Variants in FARP2 observed in about 807,000 individuals in gnomAD.
FARP2 encodes FERM, ARH/RhoGEF and pleckstrin domain protein 2.
FARP2 carries 111 observed loss-of-function variants against 130.5 expected under a neutral mutation model. The observed-to-expected ratio is 0.85, with a 90% confidence interval of 0.73 to 1.00. The LOEUF (loss-of-function observed/expected upper bound fraction) is 1.00. Among genes scored for constraint, FARP2 ranks in the 50% least tolerant of loss-of-function variants. The probability of loss-of-function intolerance (pLI) is 0.00; values close to 1 mark genes in which losing one functional copy is unlikely to be tolerated. For missense variants in FARP2, 1,385 were observed against 1,346.3 expected (o/e 1.03, Z -0.45); for synonymous variants, 504 against 516.9 (o/e 0.98, Z 0.34).
Position 241,491,537 on chromosome 2 carries a change from T to C in FARP2, c.2645T>C (p.Leu882Pro). ...RPPRSPNEVS[L>P]EQESEDDARG... ...CCAGGATCCCCCAACGAGGTATCTC[T>C]GGAGCAGGAGTCAGAAGATGATGCT... Residue 882 changes from leucine (L) to proline (P), a missense_variant, in exon 24 of 27, where the codon CTG becomes CCG. Physicochemically the swap from Leu to Pro is moderately conservative, Grantham distance 98. Transcript: ENST00000264042. 2 of 1,613,560 alleles carry C rather than the reference T, an allele frequency of 1.2e-6. No homozygotes were observed. The highest frequency in any genetic ancestry group is 4.5e-5 in the East Asian group (2 of 44,868).
At chr2:241,478,557 A>G (rs2064534103) in intron 19 of FARP2, 1 of 461,870 alleles carries the variant, frequency 2.2e-6, no homozygotes, top group Non-Finnish European at 4.4e-6. Flanking sequence ...ACTGTTGCCT[A>G]TTTAATGGAC....
chr2:241,387,764 G>A (rs1464616577), intron 2 of FARP2, among the ~76,000 whole-genome samples: 1 of 142,886 alleles, frequency 7.0e-6, no homozygotes, highest in Non-Finnish European at 1.5e-5. Context: ...CTGCACTCCA[G>A]CCTGGGTGAC....
At chr2:241,436,623 T>G (rs2063237571) in intron 12 of FARP2, 85 bp downstream of exon 12, 13 of 1,083,300 alleles carry the variant, frequency 1.2e-5, no homozygotes, top group Middle Eastern at 2.0e-4. Flanking sequence ...GTAACAAGAG[T>G]CTTAAAATTA....
intron 19 of FARP2, 22 bp from the exon 20 acceptor site, chr2:241,483,443 G>A (rs764450006): frequency 9.3e-6 from 15 of 1,610,112 alleles, no homozygotes; most frequent in South Asian, 4.4e-5. Flanking sequence ...CGCTGAAAGG[G>A]GACTCTGTCT....
intron 7 of FARP2, among the ~76,000 whole-genome samples, chr2:241,415,105 C>T (rs1016167121): frequency 7.9e-5 from 12 of 152,200 alleles, no homozygotes; most frequent in Admixed American, 5.9e-4. Context: ...AGCTCCATCT[C>T]GGACATGACG....
intron 25 of FARP2, 114 bp from the exon 26 acceptor site, chr2:241,493,179 G>C (rs2064993121): frequency 7.7e-7 from 1 of 1,301,938 alleles, no homozygotes. Flanking sequence ...AGGGAAACTG[G>C]CTCCCTTGGC....
intron 19 of FARP2, among the ~76,000 whole-genome samples, chr2:241,476,193 G>T (rs2064454454): frequency 6.9e-6 from 1 of 145,516 alleles, no homozygotes; most frequent in Non-Finnish European, 1.5e-5. Flanking sequence ...AGCAACACAG[G>T]GAAACCCCAT....
At chr2:241,453,576 C>T (rs934799295) in intron 13 of FARP2, among the ~76,000 whole-genome samples, 4 of 150,676 alleles carry the variant, frequency 2.7e-5, no homozygotes, top group Non-Finnish European at 4.4e-5. Context: ...GAGCCGAGAT[C>T]GTGTCACTGC....
intron 2 of FARP2, among the ~76,000 whole-genome samples, chr2:241,400,449 A>G (rs969073424): frequency 3.3e-5 from 5 of 152,198 alleles, no homozygotes; most frequent in Admixed American, 6.5e-5. Flanking sequence ...ACCCAAACAA[A>G]TAAACGGGTC....
chr2:241,389,930 A>G (rs1020382992), intron 2 of FARP2, among the ~76,000 whole-genome samples: 1 of 152,162 alleles, frequency 6.6e-6, no homozygotes, highest in Non-Finnish European at 1.5e-5. Context: ...CGAGCTTGGT[A>G]TGTGGGTTTG....
chr2:241,428,054 C>T (rs1559759731), intron 8 of FARP2, among the ~76,000 whole-genome samples: 1 of 151,700 alleles, frequency 6.6e-6, no homozygotes, highest in African/African-American at 2.4e-5. Context: ...GCATGAGCCA[C>T]CACGCCCAGC....
At chr2:241,410,489 T>G (rs922384732) in intron 5 of FARP2, among the ~76,000 whole-genome samples, 1 of 151,422 alleles carries the variant, frequency 6.6e-6, no homozygotes, top group African/African-American at 2.4e-5. Context: ...TGGAGTGCAG[T>G]GGCATGATCT....
intron 5 of FARP2, among the ~76,000 whole-genome samples, chr2:241,410,565 G>T (rs2062490516): frequency 6.6e-6 from 1 of 151,864 alleles, no homozygotes; most frequent in Non-Finnish European, 1.5e-5. Context: ...CAAGTAGCTG[G>T]GATTACAGGT....
chr2:241,377,487 G>A (rs1380557757), intron 2 of FARP2, among the ~76,000 whole-genome samples: 5 of 152,124 alleles, frequency 3.3e-5, no homozygotes, highest in South Asian at 4.1e-4. Context: ...GACTATAGGC[G>A]CCCGCCACCG....
At chr2:241,437,813 C>T (rs1035196278) in intron 12 of FARP2, among the ~76,000 whole-genome samples, 7 of 151,772 alleles carry the variant, frequency 4.6e-5, no homozygotes, top group Non-Finnish European at 8.8e-5. Flanking sequence ...TGCAGGTGCC[C>T]GCCACCACGC....
chr2:241,434,858 A>G, intron 10 of FARP2, 104 bp from the exon 11 acceptor site: 5 of 752,448 alleles, frequency 6.6e-6, no homozygotes, highest in Non-Finnish European at 1.2e-5. Context: ...ATATGTGTGT[A>G]TATTTATGAG....
Position 241,421,187 on chromosome 2 carries a change from C to T in FARP2, c.771+3078C>T, listed in dbSNP as rs2062797949. Among the ~76,000 whole-genome samples the T allele has an allele frequency of 2.0e-5, 3 of 152,088 alleles. No homozygotes were observed. In the South Asian group the frequency reaches 6.2e-4, roughly 31 times the overall value. ...TGCAACCCACAGATCAGGAGATCTCCTCATGAGCCCATGCCACTAGGACCT... is the reference window on the plus strand; with the variant it reads ...TGCAACCCACAGATCAGGAGATCTCTTCATGAGCCCATGCCACTAGGACCT... On this transcript the variant is annotated intron_variant, in intron 8 of 26. Transcript: ENST00000264042.
In FARP2 at chr2:241,441,399, C is replaced by A; in HGVS notation, c.1254C>A (p.Gly418=). The A allele has an allele frequency of 6.2e-7, 1 of 1,614,264 alleles. No individual in the cohort carries two copies. The highest frequency in any genetic ancestry group is 8.5e-7 in the Non-Finnish European group (1 of 1,180,048). Residue 418 remains glycine, a synonymous_variant, in exon 13 of 27, where the codon GGC becomes GGA. Transcript: ENST00000264042. ...CTCCCTCCACTCTGGTCCCCTCTGG[C>A]CTGCCAGAGTTTAAGGACAGCAGCA... The part of the protein sequence containing the change: ...SLSPSTLVPS[G]LPEFKDSSSS...
intron 7 of FARP2, among the ~76,000 whole-genome samples, chr2:241,414,966 A>G (rs1453090353): frequency 6.6e-6 from 1 of 152,218 alleles, no homozygotes; most frequent in Non-Finnish European, 1.5e-5. Context: ...AGAAGTGCCA[A>G]CTGATACTGG....
Sources: gnomAD v4.1 joint callset for allele counts (sites outside exome capture counted in the v4.1 genomes callset) on GRCh38, gnomAD v4.1.1 for gene constraint, MANE v1.5 for transcripts, NCBI Gene and HGNC (gene_info 2026-07-23, HGNC 2026-07-21) for gene names.